The following ATP10B variants were observed in gnomAD, a reference collection of about 807,000 sequenced individuals.
ATP10B encodes the protein ATPase phospholipid transporting 10B (putative).
Under a neutral mutation model 141.2 loss-of-function variants are expected in ATP10B, and 122 were observed. The observed-to-expected ratio is 0.86, with a 90% CI of 0.75 to 1.00. ATP10B has a LOEUF of 1.00. ATP10B is among the 50% of genes least tolerant of loss of function. ATP10B has a pLI of 0.00. For synonymous variants in ATP10B, 685 were observed against 692.0 expected, an observed-to-expected ratio of 0.99 and a Z score of 0.16; for missense variants, 1,876 against 1,825.3, an observed-to-expected ratio of 1.03 and a Z score of -0.51.
chr5:160,731,665 G>A (rs778494264), intron 2 of ATP10B, among the ~76,000 whole-genome samples: 14 of 152,114 alleles, frequency 9.2e-5, no homozygotes, highest in Non-Finnish European at 1.9e-4. Flanking sequence ...CTGTCTTTAT[G>A]ATATGAATAA....
At chr5:160,715,822 T>C (rs1026515396) in intron 3 of ATP10B, among the ~76,000 whole-genome samples, 1 of 151,986 alleles carries the variant, frequency 6.6e-6, no homozygotes, top group African/African-American at 2.4e-5. Context: ...AGCAATTCTC[T>C]GACTCAGCCT....
At chr5:160,816,159 G>A (rs1436295249) in intron 1 of ATP10B, among the ~76,000 whole-genome samples, 1 of 143,984 alleles carries the variant, frequency 6.9e-6, no homozygotes, top group Non-Finnish European at 1.6e-5. Flanking sequence ...AAATAACTAA[G>A]ATCAGAGCAG....
intron 2 of ATP10B, among the ~76,000 whole-genome samples, chr5:160,771,711 A>G (rs1408827281): frequency 6.6e-6 from 1 of 152,210 alleles, no homozygotes; most frequent in Non-Finnish European, 1.5e-5. Flanking sequence ...AATATTATTA[A>G]CTATTATGCT....
At chr5:160,868,938 G>A in the ATP10B span, among the ~76,000 whole-genome samples, 1 of 151,992 alleles carries the variant, frequency 6.6e-6, no homozygotes, top group Admixed American at 6.6e-5. Flanking sequence ...ATTCATATAA[G>A]GCTTGATTCT....
chr5:160,787,530 A>G (rs1460826464), intron 1 of ATP10B, among the ~76,000 whole-genome samples: 7 of 152,190 alleles, frequency 4.6e-5, no homozygotes, highest in African/African-American at 1.7e-4. Context: ...ATAAAATGGC[A>G]CTGCTGTGAG....
chr5:160,658,526 A>T (rs527701893), intron 7 of ATP10B, among the ~76,000 whole-genome samples: 5 of 152,182 alleles, frequency 3.3e-5, no homozygotes, highest in African/African-American at 1.2e-4. Context: ...CCACAGACCA[A>T]TTTCAAACAT....
At chr5:160,793,954 T>C (rs1385409492) in intron 1 of ATP10B, among the ~76,000 whole-genome samples, 1 of 152,252 alleles carries the variant, frequency 6.6e-6, no homozygotes, top group Non-Finnish European at 1.5e-5. Context: ...CTATATAGCC[T>C]AGGTGTCTAG....
At position 160,565,893 on chromosome 5, in the gene ATP10B, A is replaced by G; in HGVS notation, c.3946T>C (p.Phe1316Leu). 6.2e-7 allele frequency: 1 copy of G among 1,607,976 alleles called. No individual in the cohort carries two copies. The highest frequency in any genetic ancestry group is 8.5e-7 in the Non-Finnish European group (1 of 1,178,038). The change falls in exon 26 of 26, where the codon TTC (phenylalanine) becomes CTC (leucine). Residue 1316 changes from phenylalanine to leucine, a missense_variant. Physicochemically the swap from Phe to Leu is conservative, Grantham distance 22 (BLOSUM62 0). Transcript: ENST00000327245. ...CCACAAGTTCCTTGCAGAGACAGGA[A>G]AAAGTATCTGGTGGGAAACAACAGA... ...PVVALLPRYF[F>L]LSLQGTCGKS...
At chr5:160,814,018 C>A (rs1773382829) in intron 1 of ATP10B, among the ~76,000 whole-genome samples, 2 of 152,126 alleles carry the variant, frequency 1.3e-5, no homozygotes, top group Admixed American at 6.6e-5. Context: ...GTAGATACAA[C>A]CACAAAGATG....
At chr5:160,682,349 C>T (rs1050800818) in intron 6 of ATP10B, among the ~76,000 whole-genome samples, 3 of 152,178 alleles carry the variant, frequency 2.0e-5, no homozygotes, top group Non-Finnish European at 4.4e-5. Flanking sequence ...ACTGAATACA[C>T]TTTGGGAAAT....
At chr5:160,911,947 G>A in the ATP10B span, among the ~76,000 whole-genome samples, 12 of 152,304 alleles carry the variant, frequency 7.9e-5, no homozygotes, top group African/African-American at 2.6e-4. Flanking sequence ...TTAAGGTCAT[G>A]ATTATTATAT....
chr5:160,889,782 A>G, the ATP10B span, among the ~76,000 whole-genome samples: 2 of 152,210 alleles, frequency 1.3e-5, no homozygotes, highest in Non-Finnish European at 2.9e-5. Context: ...ATAGGCCTGC[A>G]GGGATCTTCA....
At chr5:160,840,783 G>A (rs1248579091) in intron 1 of ATP10B, among the ~76,000 whole-genome samples, 2 of 151,940 alleles carry the variant, frequency 1.3e-5, no homozygotes, top group African/African-American at 4.8e-5. Context: ...ATAGCAAAAT[G>A]AACAAAAGAA....
the ATP10B span, among the ~76,000 whole-genome samples, chr5:160,899,442 G>A: frequency 6.6e-6 from 1 of 152,260 alleles, no homozygotes; most frequent in African/African-American, 2.4e-5. Context: ...GAAACTTTGG[G>A]GGTGACGGAT....
intron 10 of ATP10B, among the ~76,000 whole-genome samples, 156 bp downstream of exon 10, chr5:160,640,305 G>A (rs1416102426): frequency 6.6e-6 from 1 of 152,198 alleles, no homozygotes; most frequent in Non-Finnish European, 1.5e-5. Context: ...ACTTTTAGGA[G>A]ATTTTCTCTT....
chr5:160,829,584 C>G (rs1331966645), intron 1 of ATP10B, among the ~76,000 whole-genome samples: 2 of 152,000 alleles, frequency 1.3e-5, no homozygotes, highest in East Asian at 1.9e-4. Context: ...ATCAGTTCTT[C>G]CAATCCATGA....
At chr5:160,623,230 A>G (rs1194044941) in intron 13 of ATP10B, among the ~76,000 whole-genome samples, 1 of 152,244 alleles carries the variant, frequency 6.6e-6, no homozygotes, top group Non-Finnish European at 1.5e-5. Flanking sequence ...AACCATGGGA[A>G]GTCCCGCTTG....
intron 13 of ATP10B, among the ~76,000 whole-genome samples, chr5:160,628,868 C>T (rs572455558): frequency 6.6e-6 from 1 of 152,178 alleles, no homozygotes; most frequent in Admixed American, 6.5e-5. Context: ...ATATTACCCC[C>T]ACCTTAAAGC....
At chr5:160,905,100 C>T in the ATP10B span, among the ~76,000 whole-genome samples, 1 of 152,188 alleles carries the variant, frequency 6.6e-6, no homozygotes, top group Non-Finnish European at 1.5e-5. Context: ...CTTACAACAA[C>T]TCTGCTATTT....
Sources: allele counts gnomAD v4.1 joint callset (sites outside exome capture counted in the v4.1 genomes callset), GRCh38; gene constraint gnomAD v4.1.1; transcripts MANE v1.5; gene names NCBI Gene and HGNC (gene_info 2026-07-23, HGNC 2026-07-21).